The following CSGALNACT1 variants were observed in gnomAD, a reference collection of about 807,000 sequenced individuals.
CSGALNACT1 encodes beta4GalNAcT-1.
In CSGALNACT1, 52 loss-of-function variants were observed where a neutral mutation model predicts 51.0. That is an observed-to-expected ratio of 1.02 (90% CI 0.82 to 1.29). The LOEUF (loss-of-function observed/expected upper bound fraction) is 1.29. Among genes scored for constraint, CSGALNACT1 ranks in the 50% most tolerant of loss-of-function variants. CSGALNACT1 has a pLI of 0.00. For missense variants in CSGALNACT1, 935 were observed against 679.2 expected (o/e 1.38, Z -4.19); for synonymous variants, 341 against 254.4 (o/e 1.34, Z -3.24).
At chr8:19,577,620 C>T (rs1341736194) in intron 3 of CSGALNACT1, among the ~76,000 whole-genome samples, 3 of 151,332 alleles carry the variant, frequency 2.0e-5, no homozygotes, top group African/African-American at 7.3e-5. Context: ...CTCCAACCAT[C>T]CTGTTGCATC....
chr8:19,645,499 G>A (rs977922644), intron 1 of CSGALNACT1, among the ~76,000 whole-genome samples: 7 of 152,336 alleles, frequency 4.6e-5, no homozygotes, highest in Non-Finnish European at 7.3e-5. Flanking sequence ...GTGCTCCTTG[G>A]CAAGGTTCTT....
At chr8:19,513,886 A>G (rs2154020251) in intron 3 of CSGALNACT1, among the ~76,000 whole-genome samples, 1 of 152,298 alleles carries the variant, frequency 6.6e-6, no homozygotes, top group African/African-American at 2.4e-5. Flanking sequence ...TATTCGGTCC[A>G]CTGACAAAAT....
At chr8:19,513,860 T>C (rs948756561) in intron 3 of CSGALNACT1, among the ~76,000 whole-genome samples, 1 of 152,258 alleles carries the variant, frequency 6.6e-6, no homozygotes, top group East Asian at 1.9e-4. Flanking sequence ...ATTATAATTA[T>C]AGAACCACCC....
intron 1 of CSGALNACT1, among the ~76,000 whole-genome samples, chr8:19,636,105 C>G (rs2056022165): frequency 6.6e-6 from 1 of 152,158 alleles, no homozygotes; most frequent in Non-Finnish European, 1.5e-5. Context: ...TCCCGCTTAT[C>G]AGCGGTTCAC....
At chr8:19,611,855 C>T (rs1290232913) in intron 1 of CSGALNACT1, among the ~76,000 whole-genome samples, 1 of 152,046 alleles carries the variant, frequency 6.6e-6, no homozygotes, top group Non-Finnish European at 1.5e-5. Flanking sequence ...CGGAAATCAG[C>T]AGAATCGGTT....
intron 6 of CSGALNACT1, among the ~76,000 whole-genome samples, chr8:19,421,638 A>G (rs922253187): frequency 2.0e-5 from 3 of 152,258 alleles, no homozygotes; most frequent in African/African-American, 7.2e-5. Flanking sequence ...TCCAGTTTGT[A>G]AAGTTTGCAT....
At chr8:19,716,097 G>A (rs538976698) in intron 1 of CSGALNACT1, among the ~76,000 whole-genome samples, 1 of 152,236 alleles carries the variant, frequency 6.6e-6, no homozygotes, top group South Asian at 2.1e-4. Flanking sequence ...CAAGGAAATG[G>A]CATTTTCAGT....
chr8:19,736,516 C>CAA (rs11310638), intron 1 of CSGALNACT1, among the ~76,000 whole-genome samples: 2 of 135,124 alleles, frequency 1.5e-5, no homozygotes, highest in Admixed American at 7.4e-5. Context: ...GTCCCAAAAC[C>CAA]AAAAAAAAAA....
chr8:19,696,902 G>A (rs1433452061), intron 1 of CSGALNACT1, among the ~76,000 whole-genome samples: 1 of 152,116 alleles, frequency 6.6e-6, no homozygotes, highest in South Asian at 2.1e-4. Context: ...AGCCTCCCAG[G>A]CAGAAAACAG....
At chr8:19,559,489 G>A (rs1313973694) in intron 3 of CSGALNACT1, among the ~76,000 whole-genome samples, 4 of 152,098 alleles carry the variant, frequency 2.6e-5, no homozygotes, top group Non-Finnish European at 5.9e-5. Flanking sequence ...GTGTATTAAG[G>A]CATAAGTAAA....
chr8:19,737,974 T>G (rs936551551), intron 1 of CSGALNACT1, among the ~76,000 whole-genome samples: 6 of 152,214 alleles, frequency 3.9e-5, no homozygotes, highest in African/African-American at 1.4e-4. Flanking sequence ...GCAGTGGTGA[T>G]AGTTGCATAA....
chr8:19,674,937 T>C (rs1489841563), intron 1 of CSGALNACT1, among the ~76,000 whole-genome samples: 2 of 152,108 alleles, frequency 1.3e-5, no homozygotes, highest in African/African-American at 4.8e-5. Context: ...AAGCAGGGCA[T>C]TGCCCATCTT....
chr8:19,453,992 G>C (rs947832372), intron 5 of CSGALNACT1, among the ~76,000 whole-genome samples: 5 of 152,244 alleles, frequency 3.3e-5, no homozygotes, highest in Non-Finnish European at 5.9e-5. Context: ...AAGTGAATGT[G>C]ATTAAAGACT....
intron 3 of CSGALNACT1, among the ~76,000 whole-genome samples, chr8:19,522,856 A>C (rs888622062): frequency 3.9e-5 from 6 of 152,228 alleles, no homozygotes; most frequent in Non-Finnish European, 5.9e-5. Flanking sequence ...AAAAAAATTT[A>C]AACAATAAAA....
intron 4 of CSGALNACT1, among the ~76,000 whole-genome samples, chr8:19,462,442 T>G (rs1563534656): frequency 6.6e-6 from 1 of 152,114 alleles, no homozygotes; most frequent in African/African-American, 2.4e-5. Context: ...CAGATAGCAA[T>G]ATACCTAAAC....
chr8:19,446,092 T>C (rs1035795026), intron 5 of CSGALNACT1, among the ~76,000 whole-genome samples: 6 of 152,124 alleles, frequency 3.9e-5, no homozygotes, highest in African/African-American at 1.4e-4. Flanking sequence ...GGAGAATGAC[T>C]TGAACCTGGG....
At chr8:19,550,680 G>A (rs896180198) in intron 3 of CSGALNACT1, among the ~76,000 whole-genome samples, 7 of 152,090 alleles carry the variant, frequency 4.6e-5, no homozygotes, top group African/African-American at 1.2e-4. Context: ...TGATGTCACT[G>A]GGTGAGGACA....
intron 6 of CSGALNACT1, among the ~76,000 whole-genome samples, chr8:19,430,157 C>G (rs980930581): frequency 6.6e-6 from 1 of 152,152 alleles, no homozygotes; most frequent in African/African-American, 2.4e-5. Flanking sequence ...ATTATATAAG[C>G]TGTCTTTTCA....
At chr8:19,482,320 C>G (rs1361239805) in intron 4 of CSGALNACT1, among the ~76,000 whole-genome samples, 2 of 152,196 alleles carry the variant, frequency 1.3e-5, no homozygotes, top group African/African-American at 4.8e-5. Flanking sequence ...TAAGCACATG[C>G]AGGGAGCAGC....
Sources: allele counts gnomAD v4.1 joint callset (sites outside exome capture counted in the v4.1 genomes callset), GRCh38; gene constraint gnomAD v4.1.1; transcripts MANE v1.5; gene names NCBI Gene and HGNC (gene_info 2026-07-23, HGNC 2026-07-21).